The following ARL10 variants were observed in gnomAD, a reference collection of about 807,000 sequenced individuals.
The protein encoded by ARL10 is ADP-ribosylation factor-like protein 10.
A neutral mutation model predicts 26.1 loss-of-function variants in ARL10; 23 were observed. The observed-to-expected ratio is 0.88, with a 90% CI of 0.63 to 1.25. The LOEUF (loss-of-function observed/expected upper bound fraction) is 1.25, where lower values mean the gene tolerates loss of function less well. Ranked by LOEUF, ARL10 falls within the 50% of genes most tolerant of loss-of-function variation. ARL10 has a pLI of 0.00. For synonymous variants in ARL10, 138 were observed against 149.1 expected (o/e 0.93, Z 0.54); for missense variants, 300 against 323.6 (o/e 0.93, Z 0.56).
the ARL10 span, among the ~76,000 whole-genome samples, chr5:176,412,140 C>T: frequency 1.4e-5 from 2 of 147,364 alleles, no homozygotes; most frequent in Non-Finnish European, 3.0e-5. Flanking sequence ...CCCGCCACTG[C>T]ACTCCAGCCT....
Position 176,374,908 on chromosome 5 carries a change from G to A in ARL10, c.*3013G>A, listed in dbSNP as rs1253942084. ...GATGTGTTTGGTGGCAGTATCTACA[G>A]AAGCGGCAGCCACCACCGCCTTTTG... On this transcript the variant is annotated 3_prime_UTR_variant, in exon 4 of 4. Transcript: ENST00000310389. The A allele has an allele frequency of 6.6e-6, 1 of 152,190 alleles. No homozygotes were observed. The highest frequency in any genetic ancestry group is 6.5e-5 in the Admixed American group (1 of 15,276). 9.4% of individuals were successfully genotyped at this position (152,190 alleles called of 1,614,324 possible).
chr5:176,405,943 C>T (rs1010475043), downstream of ARL10: 16 of 156,558 alleles, frequency 1.0e-4, no homozygotes, highest in Admixed American at 7.2e-4. Context: ...CTGCTGTGGC[C>T]TGCTGTTCCG....
rs1768588060 is a variant in ARL10 at position 176,372,879 on chromosome 5, T to C, written c.*984T>C. ...TTTTCAAAACCCCAGATGACAGTCA[T>C]AGAAAATTTGGAACTTAGGAAAATA... On this transcript the variant is annotated 3_prime_UTR_variant, in exon 4 of 4. Transcript: ENST00000310389. 2.5e-6 allele frequency: 1 copy of C among 398,742 alleles called. No homozygotes were observed. The highest frequency in any genetic ancestry group is 4.4e-6 in the Non-Finnish European group (1 of 226,066). The allele number at this position is 398,742 out of a possible 1,614,324, so 24.7% of individuals were successfully genotyped here. A position where few individuals can be genotyped will look rare whatever the true frequency, so the allele number is the denominator to read the frequency against.
downstream of ARL10, among the ~76,000 whole-genome samples, chr5:176,403,739 A>T (rs13168842): frequency 0.15 from 22,189 of 151,074 alleles, 2,496 homozygotes; most frequent in African/African-American, 0.31. Flanking sequence ...GGCGTGAGCC[A>T]CGGTGCCCGG....
chr5:176,404,097 C>T (rs546550127), downstream of ARL10, among the ~76,000 whole-genome samples: 1 of 152,310 alleles, frequency 6.6e-6, no homozygotes, highest in South Asian at 2.1e-4. Flanking sequence ...AACTCTATCT[C>T]CAAAGAGCCA....
chr5:176,406,648 G>A (rs1312182284), downstream of ARL10: 1 of 1,289,390 alleles, frequency 7.8e-7, no homozygotes, highest in Non-Finnish European at 1.0e-6. Flanking sequence ...TTGTGGGCAG[G>A]CTCGTCCTTA....
downstream of ARL10, chr5:176,386,552 A>T: frequency 2.1e-6 from 1 of 476,700 alleles, no homozygotes; most frequent in Non-Finnish European, 3.9e-6. Context: ...ATGAGAAGCC[A>T]TACCCATGCC....
chr5:176,414,561 C>T, the ARL10 span, among the ~76,000 whole-genome samples: 7 of 152,044 alleles, frequency 4.6e-5, no homozygotes, highest in African/African-American at 1.7e-4. Flanking sequence ...TCAGCCTTCC[C>T]GAGCAGCTGG....
At chr5:176,402,276 T>A (rs1756861635), downstream of ARL10, among the ~76,000 whole-genome samples, 1 of 152,106 alleles carries the variant, frequency 6.6e-6, no homozygotes, top group East Asian at 1.9e-4. Flanking sequence ...CCAGCCTAGG[T>A]AACAGAGCGA....
At chr5:176,398,188 T>C in intron 1 of ARL10, 1 of 702,400 alleles carries the variant, frequency 1.4e-6, no homozygotes, top group Non-Finnish European at 2.5e-6. Context: ...ACTACACCTA[T>C]CTTTGCACTT....
intron 1 of ARL10, chr5:176,388,244 A>C (rs756891138): frequency 6.2e-7 from 1 of 1,611,194 alleles, no homozygotes; most frequent in Non-Finnish European, 8.5e-7. Flanking sequence ...CCTTTCTCTT[A>C]CGGAGGGGCA....
chr5:176,394,107 C>T (rs1470066827), intron 1 of ARL10, among the ~76,000 whole-genome samples: 1 of 152,176 alleles, frequency 6.6e-6, no homozygotes, highest in Admixed American at 6.5e-5. Flanking sequence ...TTTCACTGGA[C>T]TGAGAATTCA....
At position 176,396,950 on chromosome 5, in the gene ARL10, GCCCTTTTTT is replaced by G. The variant is rs143712254; in HGVS notation, c.134-4779_134-4771del. 5.5e-3 allele frequency among the ~76,000 whole-genome samples: 831 copies of G among 151,958 alleles called. 4 individuals carry two copies. Among genetic ancestry groups the G allele is most frequent in the African/African-American group, 0.019 (779 of 41,414 alleles). Reference sequence around the variant, plus strand: ...GGTCTAGAATGCCCCCCTACCTCCTGCCCTTTTTTCCCTTTTTTCCTCCTAGTCATCTTC... The same window carrying G: ...GGTCTAGAATGCCCCCCTACCTCCTGCCCTTTTTTCCTCCTAGTCATCTTC... On this transcript the variant is annotated intron_variant, in intron 1 of 1. Coordinates refer to the ARL10 transcript ENST00000514533.
chr5:176,388,387 C>T, exon 2 of ARL10: 1 of 1,612,570 alleles, frequency 6.2e-7, no homozygotes, highest in Middle Eastern at 1.7e-4. Flanking sequence ...TCTCGCGGAC[C>T]GTCCCGGCCG....
rs1755522017 is a variant in ARL10 at position 176,380,375 on chromosome 5, T to C, written c.*8480T>C. On this transcript the variant is annotated 3_prime_UTR_variant, in exon 4 of 4. Transcript: ENST00000310389. ...TGTGTCCCATAAATAAACAGTTTTA[T>C]TTAAAGTTTCCTCATCGTGGCCATT... 6.6e-6 allele frequency: 1 copy of C among 152,204 alleles called. No homozygotes were observed. The highest frequency in any genetic ancestry group is 1.5e-5 in the Non-Finnish European group (1 of 68,032). The allele number at this position is 152,204 out of a possible 1,614,324, so 9.4% of individuals were successfully genotyped here.
At chr5:176,396,479 A>ACGTAGC in intron 1 of ARL10, 1 of 1,613,484 alleles carries the variant, frequency 6.2e-7, no homozygotes, top group African/African-American at 1.3e-5. Flanking sequence ...AGACACGTAC[A>ACGTAGC]CGTAGCCGAT....
rs1428973402 is a variant in ARL10, at chr5:176,366,802, A to G, written c.385+221A>G. Reference sequence around the variant, plus strand: ...CTCCAGCTGCACCGCCTGCCCCATCACCCCTACCAAAGTCGATAGGCCTAA... The same window carrying G: ...CTCCAGCTGCACCGCCTGCCCCATCGCCCCTACCAAAGTCGATAGGCCTAA... On this transcript the variant is annotated intron_variant, in intron 2 of 3. Coordinates refer to ENST00000310389, the MANE Select transcript of ARL10 (RefSeq NM_173664.6). Among the ~76,000 whole-genome samples the G allele has an allele frequency of 2.6e-5, 4 of 151,928 alleles. No homozygotes were observed. In the East Asian group the frequency reaches 7.8e-4, roughly 30 times the overall value.
downstream of ARL10, chr5:176,386,244 A>G (rs1755836730): frequency 5.8e-6 from 1 of 173,608 alleles, no homozygotes; most frequent in African/African-American, 2.4e-5. Context: ...TGGTATATAC[A>G]ATCCTGTGCA....
At chr5:176,365,884 C>A in intron 1 of ARL10, 138 bp downstream of exon 1, 1 of 967,114 alleles carries the variant, frequency 1.0e-6, no homozygotes, top group Admixed American at 4.3e-5. Flanking sequence ...AGCCGCAGCG[C>A]ACAGGCCCCG....
Sources: gnomAD v4.1 joint callset for allele counts (sites outside exome capture counted in the v4.1 genomes callset) on GRCh38, gnomAD v4.1.1 for gene constraint, MANE v1.5 for transcripts, NCBI Gene and HGNC (gene_info 2026-07-23, HGNC 2026-07-21) for gene names.